Variants in OXR1 observed in about 807,000 individuals in gnomAD.
OXR1 encodes the protein oxidation resistance 1, also known as oxidation resistance protein 1.
In OXR1, 41 loss-of-function variants were observed where a neutral mutation model predicts 104.6. The observed-to-expected ratio is 0.39, with a 90% CI of 0.31 to 0.51. The LOEUF is 0.51. OXR1 is among the 20% of genes least tolerant of loss of function. OXR1 has a pLI of 0.77. For synonymous variants in OXR1, 348 were observed against 348.4 expected (o/e 1.00, Z 0.01); for missense variants, 955 against 1,031.9 (o/e 0.93, Z 1.02).
At chr8:106,726,350 T>G (rs1420835853) in intron 11 of OXR1, 2 of 1,008,026 alleles carry the variant, frequency 2.0e-6, no homozygotes, top group Non-Finnish European at 2.8e-6. Context: ...TATATACTAG[T>G]CTTTTCATGG....
rs1383186505 is a variant in OXR1 at position 106,684,281 on chromosome 8, T to C, written c.447T>C (p.Ser149=). 1 of 1,607,214 alleles carries C rather than the reference T, an allele frequency of 6.2e-7. No homozygotes were observed. Among genetic ancestry groups the C allele is most frequent in the South Asian group, 1.1e-5 (1 of 90,904 alleles). Residue 149 remains serine (S), a synonymous_variant, in exon 6 of 17, where the codon AGT becomes AGC. Transcript: ENST00000517566. ...LYVPDPEYVS[S]VESSPSLSPV... ...TTCCTGATCCTGAATATGTCTCCAG[T>C]GTTGAGAGCTCTCCATCTCTAAGCC...
At chr8:106,459,909 G>A (rs1820811132) in intron 2 of OXR1, among the ~76,000 whole-genome samples, 1 of 152,184 alleles carries the variant, frequency 6.6e-6, no homozygotes, top group African/African-American at 2.4e-5. Flanking sequence ...GCCAGCACAT[G>A]TTACAATCAA....
intron 2 of OXR1, among the ~76,000 whole-genome samples, chr8:106,492,602 A>G (rs1811163689): frequency 6.6e-6 from 1 of 152,084 alleles, no homozygotes; most frequent in Non-Finnish European, 1.5e-5. Context: ...TATGTTTACC[A>G]TTCCCCCCTC....
intron 3 of OXR1, among the ~76,000 whole-genome samples, chr8:106,552,354 A>G (rs140269888): frequency 6.6e-6 from 1 of 152,236 alleles, no homozygotes; most frequent in African/African-American, 2.4e-5. Context: ...TCCCATTTCT[A>G]TGTATCAAAT....
intron 3 of OXR1, among the ~76,000 whole-genome samples, chr8:106,611,686 T>C (rs1002955198): frequency 6.6e-6 from 1 of 152,144 alleles, no homozygotes; most frequent in Non-Finnish European, 1.5e-5. Flanking sequence ...CCTCTGCCCT[T>C]TCCCACCCCC....
intron 2 of OXR1, among the ~76,000 whole-genome samples, chr8:106,375,002 G>A (rs549888602): frequency 6.6e-6 from 1 of 152,144 alleles, no homozygotes; most frequent in Admixed American, 6.5e-5. Context: ...TTTGATTTTA[G>A]ATTACTGATA....
intron 2 of OXR1, among the ~76,000 whole-genome samples, chr8:106,516,546 C>G (rs769964188): frequency 2.0e-5 from 3 of 151,904 alleles, no homozygotes; most frequent in Non-Finnish European, 4.4e-5. Flanking sequence ...AACAGCCATT[C>G]CCAGTGGAAA....
At chr8:106,641,749 G>A (rs1288402643) in intron 3 of OXR1, among the ~76,000 whole-genome samples, 1 of 151,788 alleles carries the variant, frequency 6.6e-6, no homozygotes, top group Non-Finnish European at 1.5e-5. Flanking sequence ...TATTACCAGG[G>A]ACAAAAAACA....
At chr8:106,667,021 C>T (rs1020987020) in intron 3 of OXR1, among the ~76,000 whole-genome samples, 1 of 152,124 alleles carries the variant, frequency 6.6e-6, no homozygotes, top group African/African-American at 2.4e-5. Flanking sequence ...CAAGTACTCA[C>T]AAGACAGATG....
chr8:106,546,561 G>T (rs1194574252), intron 3 of OXR1, among the ~76,000 whole-genome samples: 1 of 152,166 alleles, frequency 6.6e-6, no homozygotes, highest in African/African-American at 2.4e-5. Context: ...ATTTAAAGGG[G>T]AAAAGCGAGC....
In OXR1 at chr8:106,382,897, G is replaced by A. The variant is rs73698963; in HGVS notation, c.23+23261G>A. Among the ~76,000 whole-genome samples, 1,142 of 151,996 alleles carry A rather than the reference G, an allele frequency of 7.5e-3. 17 individuals carry two copies. The highest frequency in any genetic ancestry group is 0.025 in the African/African-American group (1,053 of 41,472). On this transcript the variant is annotated intron_variant, in intron 2 of 16. Transcript: ENST00000517566. ...TTACCCAAGTAAGCGGAGGGAAATGGTCTGAACCTCTGACAGCTAACATCC... is the reference window on the plus strand; with the variant it reads ...TTACCCAAGTAAGCGGAGGGAAATGATCTGAACCTCTGACAGCTAACATCC...
chr8:106,382,055 G>A (rs754858331), intron 2 of OXR1, among the ~76,000 whole-genome samples: 2 of 152,062 alleles, frequency 1.3e-5, no homozygotes, highest in African/African-American at 2.4e-5. Flanking sequence ...TTATTGATGC[G>A]ATTTCACTAT....
intron 3 of OXR1, among the ~76,000 whole-genome samples, chr8:106,519,770 TC>T (rs1356415842): frequency 2.0e-5 from 3 of 152,172 alleles, no homozygotes; most frequent in Non-Finnish European, 2.9e-5. Context: ...TTACATTATT[TC>T]CCCCAGATAT....
At chr8:106,445,338 C>T (rs1819968529) in intron 2 of OXR1, among the ~76,000 whole-genome samples, 1 of 152,142 alleles carries the variant, frequency 6.6e-6, no homozygotes. Context: ...TACCATGAGT[C>T]TTAGCAGCTT....
At chr8:106,741,096 A>G (rs1199666299) in intron 14 of OXR1, among the ~76,000 whole-genome samples, 1 of 152,112 alleles carries the variant, frequency 6.6e-6, no homozygotes, top group African/African-American at 2.4e-5. Context: ...TATGAGATTG[A>G]TACTGTTATC....
At chr8:106,436,700 T>A (rs7845625) in intron 2 of OXR1, among the ~76,000 whole-genome samples, 2 of 151,982 alleles carry the variant, frequency 1.3e-5, no homozygotes, top group South Asian at 4.1e-4. Flanking sequence ...TGTATGTTTC[T>A]CTCTGTCAGC....
At chr8:106,555,928 G>GTATA (rs371162000) in intron 3 of OXR1, among the ~76,000 whole-genome samples, 37,768 of 142,198 alleles carry the variant, frequency 0.27, 5,433 homozygotes, top group Non-Finnish European at 0.29. Context: ...GTATATATAT[G>GTATA]TACATATATA....
chr8:106,355,931 C>CA (rs2130323610), intron 1 of OXR1, among the ~76,000 whole-genome samples: 2 of 152,072 alleles, frequency 1.3e-5, no homozygotes, highest in East Asian at 3.9e-4. Flanking sequence ...ATGCATCAGA[C>CA]AGAGTTAAAC....
chr8:106,719,028 A>T (rs1327453133), intron 11 of OXR1, among the ~76,000 whole-genome samples: 1 of 152,142 alleles, frequency 6.6e-6, no homozygotes, highest in Non-Finnish European at 1.5e-5. Flanking sequence ...GCTTTTGGGG[A>T]TCTGATAACC....
Sources: allele counts gnomAD v4.1 joint callset (sites outside exome capture counted in the v4.1 genomes callset), GRCh38; gene constraint gnomAD v4.1.1; transcripts MANE v1.5; gene names NCBI Gene and HGNC (gene_info 2026-07-23, HGNC 2026-07-21).